The following MAP3K20 variants were observed in gnomAD, a reference collection of about 807,000 sequenced individuals.
MAP3K20 encodes mitogen-activated protein kinase kinase kinase 20, also known as HCCS-4.
Under a neutral mutation model 85.7 loss-of-function variants are expected in MAP3K20, and 40 were observed. The ratio of observed to expected loss-of-function variants is 0.47; its 90% CI spans 0.36 to 0.61. The LOEUF is 0.61. Ranked by LOEUF, MAP3K20 falls within the 20% of genes least tolerant of loss-of-function variation. MAP3K20 has a pLI of 0.00. For synonymous variants in MAP3K20, 325 were observed against 327.7 expected (o/e 0.99, Z 0.09); for missense variants, 817 against 961.7 (o/e 0.85, Z 1.99).
At chr2:173,242,755 G>GGAGT (rs905109908) in intron 16 of MAP3K20, among the ~76,000 whole-genome samples, 3 of 138,620 alleles carry the variant, frequency 2.2e-5, no homozygotes, top group African/African-American at 5.4e-5. Flanking sequence ...TGCCCAGGCT[G>GGAGT]GAGTGCAGTG....
chr2:173,250,763 A>G (rs1685024085), intron 16 of MAP3K20, among the ~76,000 whole-genome samples: 1 of 152,214 alleles, frequency 6.6e-6, no homozygotes, highest in Non-Finnish European at 1.5e-5. Flanking sequence ...ATACGCGCTG[A>G]AAGAGGTTAT....
intron 16 of MAP3K20, among the ~76,000 whole-genome samples, chr2:173,248,730 A>AT (rs1257018784): frequency 6.6e-6 from 1 of 152,022 alleles, no homozygotes; most frequent in East Asian, 1.9e-4. Flanking sequence ...ACTATGGCCG[A>AT]TTTCAAGTTA....
intron 11 of MAP3K20, chr2:173,225,677 A>C (rs1347226120): frequency 1.0e-6 from 1 of 985,162 alleles, no homozygotes; most frequent in African/African-American, 1.7e-5. Flanking sequence ...GAAGCTTTAG[A>C]GTTTCGTCTC....
chr2:173,082,409 T>G (rs1194505666), intron 1 of MAP3K20, among the ~76,000 whole-genome samples: 1 of 152,216 alleles, frequency 6.6e-6, no homozygotes, highest in Non-Finnish European at 1.5e-5. Context: ...GAGGTTACCA[T>G]GTTTTAACTC....
chr2:173,144,462 C>CAAAAAAAAAAAAAAAAA (rs71018537), intron 2 of MAP3K20, among the ~76,000 whole-genome samples: 6 of 92,872 alleles, frequency 6.5e-5, no homozygotes, highest in Non-Finnish European at 8.4e-5. Flanking sequence ...GACTCCGTCT[C>CAAAAAAAAAAAAAAAAA]AAAAAAAAAA....
chr2:173,250,359 T>C (rs1685015221), intron 16 of MAP3K20, among the ~76,000 whole-genome samples: 1 of 152,144 alleles, frequency 6.6e-6, no homozygotes, highest in African/African-American at 2.4e-5. Context: ...GGTGGTTTAG[T>C]GGAAAGAGAA....
chr2:173,076,070 C>A (rs1686845082), intron 1 of MAP3K20, 68 bp downstream of exon 1: 8 of 961,536 alleles, frequency 8.3e-6, no homozygotes, highest in South Asian at 4.8e-5. Context: ...GCTCGCGAGT[C>A]GTCCCTGCGT....
intron 14 of MAP3K20, among the ~76,000 whole-genome samples, chr2:173,236,839 G>A (rs540681244): frequency 1.1e-3 from 174 of 152,244 alleles, no homozygotes; most frequent in Non-Finnish European, 1.9e-3. Flanking sequence ...CCACGCTGGA[G>A]GAGTCCTCCT....
chr2:173,152,807 T>C (rs1689346283), intron 2 of MAP3K20, among the ~76,000 whole-genome samples: 1 of 152,224 alleles, frequency 6.6e-6, no homozygotes, highest in African/African-American at 2.4e-5. Flanking sequence ...TAGAATAGGC[T>C]ATTTTGAAAA....
In MAP3K20 at chr2:173,100,443, A is replaced by T. The variant is rs377395599; in HGVS notation, c.159+9253A>T. Among the ~76,000 whole-genome samples the T allele has an allele frequency of 1.1e-4, 17 of 152,314 alleles. 1 individual carries two copies. Among genetic ancestry groups the T allele is most frequent in the African/African-American group, 4.1e-4 (17 of 41,578 alleles). On this transcript the variant is annotated intron_variant, in intron 2 of 19. Coordinates refer to ENST00000375213, the MANE Select transcript of MAP3K20 (RefSeq NM_016653.3). ...CTGCCATTGTGCTTTGCTCCCAGTG[A>T]ACATTGAAGTATTTGTTCCTTGATA...
chr2:173,129,506 A>G (rs1277043999), intron 2 of MAP3K20, among the ~76,000 whole-genome samples: 2 of 152,210 alleles, frequency 1.3e-5, no homozygotes, highest in Admixed American at 6.5e-5. Flanking sequence ...AGAAACATGC[A>G]TCTTACAATC....
intron 2 of MAP3K20, among the ~76,000 whole-genome samples, chr2:173,103,167 A>G (rs1687683467): frequency 6.6e-6 from 1 of 152,236 alleles, no homozygotes; most frequent in South Asian, 2.1e-4. Flanking sequence ...TGCTGAACAA[A>G]TCTTTAAAGT....
At chr2:173,233,700 C>T (rs998735917) in intron 14 of MAP3K20, among the ~76,000 whole-genome samples, 2 of 152,174 alleles carry the variant, frequency 1.3e-5, no homozygotes, top group African/African-American at 2.4e-5. Flanking sequence ...TCTACCAACA[C>T]GCCAGCTAGT....
intron 7 of MAP3K20, among the ~76,000 whole-genome samples, chr2:173,191,497 T>C (rs1466710249): frequency 6.6e-6 from 1 of 152,186 alleles, no homozygotes; most frequent in Non-Finnish European, 1.5e-5. Flanking sequence ...GACTGTGGAC[T>C]CTCTCTGTAA....
intron 2 of MAP3K20, among the ~76,000 whole-genome samples, chr2:173,142,160 A>G (rs1262688726): frequency 1.3e-5 from 2 of 152,208 alleles, no homozygotes; most frequent in Non-Finnish European, 2.9e-5. Context: ...TATGGGTTGT[A>G]TAATGTATGT....
At chr2:173,227,181 CCT>C (rs1314936976) in intron 11 of MAP3K20, 42 of 968,158 alleles carry the variant, frequency 4.3e-5, no homozygotes, top group Admixed American at 6.2e-5. Context: ...ATATAAGATC[CCT>C]GTTAGATTGG....
At chr2:173,122,922 G>A (rs1688336759) in intron 2 of MAP3K20, among the ~76,000 whole-genome samples, 1 of 152,148 alleles carries the variant, frequency 6.6e-6, no homozygotes. Context: ...GACATCTCCT[G>A]CGGTCTTACT....
At chr2:173,224,574 C>G in intron 11 of MAP3K20, 1 of 984,700 alleles carries the variant, frequency 1.0e-6, no homozygotes, top group Non-Finnish European at 1.2e-6. Context: ...GCTCATTACT[C>G]TACCACCAAG....
chr2:173,260,999 G>T, intron 17 of MAP3K20, 64 bp from the exon 18 acceptor site: 3 of 1,505,956 alleles, frequency 2.0e-6, no homozygotes. Flanking sequence ...CGGCCTCAAA[G>T]AAACATACTA....
Sources: gnomAD v4.1 joint callset for allele counts (sites outside exome capture counted in the v4.1 genomes callset) on GRCh38, gnomAD v4.1.1 for gene constraint, MANE v1.5 for transcripts, NCBI Gene and HGNC (gene_info 2026-07-23, HGNC 2026-07-21) for gene names.